CSGALNACT1: variants seen among roughly 807,000 people sequenced by gnomAD.
The protein encoded by CSGALNACT1 is chondroitin sulfate N-acetylgalactosaminyltransferase 1.
In CSGALNACT1, 52 loss-of-function variants were observed where a neutral mutation model predicts 51.0. That is an observed-to-expected ratio of 1.02 (90% confidence interval 0.82 to 1.29). The LOEUF (loss-of-function observed/expected upper bound fraction) is 1.29, where lower values mean the gene tolerates loss of function less well. Among genes scored for constraint, CSGALNACT1 ranks in the 50% most tolerant of loss-of-function variants. The probability of loss-of-function intolerance (pLI) is 0.00; values close to 1 mark genes in which losing one functional copy is unlikely to be tolerated. For synonymous variants in CSGALNACT1, 341 were observed against 254.4 expected (o/e 1.34, Z -3.24); for missense variants, 935 against 679.2 (o/e 1.38, Z -4.19).
At chr8:19,652,554 C>T (rs949608568) in intron 1 of CSGALNACT1, among the ~76,000 whole-genome samples, 26 of 152,094 alleles carry the variant, frequency 1.7e-4, no homozygotes, top group African/African-American at 6.3e-4. Context: ...GTATTGTCAG[C>T]CTTCCTTCTG....
chr8:19,512,349 T>G (rs897331313), intron 3 of CSGALNACT1, among the ~76,000 whole-genome samples: 1 of 152,204 alleles, frequency 6.6e-6, no homozygotes, highest in African/African-American at 2.4e-5. Context: ...ACCAGAGAGC[T>G]TGATTGCAAC....
intron 2 of CSGALNACT1, among the ~76,000 whole-genome samples, chr8:19,593,588 C>CA (rs1181580167): frequency 6.6e-6 from 1 of 152,168 alleles, no homozygotes; most frequent in African/African-American, 2.4e-5. Flanking sequence ...CATTAATGTA[C>CA]AATGATTTGT....
At position 19,584,922 on chromosome 8, in the gene CSGALNACT1, G is replaced by C. The variant is rs528420291; in HGVS notation, c.-297+6238C>G. 1.5e-4 allele frequency among the ~76,000 whole-genome samples: 23 copies of C among 152,250 alleles called. 1 individual carries two copies. In the South Asian group the frequency reaches 4.4e-3, roughly 29 times the overall value. ...GGTACCAACCGTAGACAGCAGGATGGGGCAGGGGGACCTCAAAGTGGACTT... is the reference window on the plus strand; with the variant it reads ...GGTACCAACCGTAGACAGCAGGATGCGGCAGGGGGACCTCAAAGTGGACTT... On this transcript the variant is annotated intron_variant, in intron 3 of 9. Coordinates refer to ENST00000454498, the Ensembl canonical transcript of CSGALNACT1.
rs191173421 is a variant in CSGALNACT1 at position 19,586,639 on chromosome 8, T to C, written c.-297+4521A>G. ...CACTGGCTTAGTCTATGACTGGCAA[T>C]GAAGTGTAAGTCAGACTTGGAATCA... On this transcript the variant is annotated intron_variant, in intron 3 of 9. Coordinates refer to ENST00000454498, the Ensembl canonical transcript of CSGALNACT1. Among the ~76,000 whole-genome samples the C allele has an allele frequency of 1.3e-4, 20 of 152,186 alleles. No individual in the cohort carries two copies. The East Asian group carries it at 3.7e-3, about 28-fold the overall frequency.
At chr8:19,456,277 G>T (rs1252511240) in intron 5 of CSGALNACT1, among the ~76,000 whole-genome samples, 5 of 152,178 alleles carry the variant, frequency 3.3e-5, no homozygotes, top group African/African-American at 1.2e-4. Context: ...GTGAGGACTT[G>T]TCCTTTCACC....
At chr8:19,475,987 A>G (rs1405353449) in intron 4 of CSGALNACT1, among the ~76,000 whole-genome samples, 1 of 152,190 alleles carries the variant, frequency 6.6e-6, no homozygotes, top group African/African-American at 2.4e-5. Context: ...TGTCCACGAG[A>G]AGCAATGAAA....
rs530803549 is a variant in CSGALNACT1, at chr8:19,485,642, AC to A, written c.634+19558del. On this transcript the variant is annotated intron_variant, in intron 4 of 9. Transcript: ENST00000454498. ...ACAAGATGAGATTAATCATTCCTTC[AC>A]CCCTCCCAGAGACATCTGCTTCCTC... Among the ~76,000 whole-genome samples, 18 of 148,728 alleles carry A rather than the reference AC, an allele frequency of 1.2e-4. No individual in the cohort carries two copies. The East Asian group carries it at 3.7e-3, about 30-fold the overall frequency.
At chr8:19,582,984 G>A (rs142791338) in intron 3 of CSGALNACT1, among the ~76,000 whole-genome samples, 83 of 152,168 alleles carry the variant, frequency 5.5e-4, no homozygotes, top group African/African-American at 1.9e-3. Flanking sequence ...AAATGGAATG[G>A]GCTAATAGCC....
intron 2 of CSGALNACT1, among the ~76,000 whole-genome samples, chr8:19,599,068 G>A (rs1264776952): frequency 6.6e-6 from 1 of 152,060 alleles, no homozygotes; most frequent in Non-Finnish European, 1.5e-5. Context: ...GACAGCTGGG[G>A]AGGAGTGAGC....
chr8:19,644,860 A>C (rs1024704820), intron 1 of CSGALNACT1, among the ~76,000 whole-genome samples: 6 of 152,192 alleles, frequency 3.9e-5, no homozygotes, highest in Non-Finnish European at 7.3e-5. Context: ...AATCATTCTA[A>C]ATATTTTATG....
At chr8:19,722,529 A>AAGTCAAC (rs1195644772) in intron 1 of CSGALNACT1, among the ~76,000 whole-genome samples, 1 of 152,168 alleles carries the variant, frequency 6.6e-6, no homozygotes, top group Non-Finnish European at 1.5e-5. Context: ...CTGGCCACAA[A>AAGTCAAC]AGTCAACACC....
chr8:19,443,556 G>C (rs1413277486), intron 5 of CSGALNACT1, among the ~76,000 whole-genome samples: 2 of 152,156 alleles, frequency 1.3e-5, no homozygotes, highest in African/African-American at 4.8e-5. Context: ...ATGGTGGCAG[G>C]CAAGAGAGCT....
At chr8:19,667,022 AGGAAGG>A (rs2059392811) in intron 1 of CSGALNACT1, among the ~76,000 whole-genome samples, 4 of 36,042 alleles carry the variant, frequency 1.1e-4, no homozygotes, top group African/African-American at 7.7e-4. Context: ...AAAGAAAGGA[AGGAAGG>A]AAGGAAGGAA....
At chr8:19,602,322 T>TA (rs1423408487) in exon 1 of CSGALNACT1, 8 of 151,738 alleles carry the variant, frequency 5.3e-5, no homozygotes, top group African/African-American at 9.7e-5. Context: ...CGCCACCACT[T>TA]AAAAAAAACG....
At chr8:19,625,017 C>A (rs1052787019) in intron 1 of CSGALNACT1, among the ~76,000 whole-genome samples, 1 of 152,184 alleles carries the variant, frequency 6.6e-6, no homozygotes, top group Non-Finnish European at 1.5e-5. Context: ...CCTGCTATCA[C>A]CCAGCTAGTA....
At position 19,693,101 on chromosome 8, in the gene CSGALNACT1, T is replaced by G. The variant is rs145471656; in HGVS notation, c.-297+64749A>C. On this transcript the variant is annotated intron_variant, in intron 1 of 1. Transcript: ENST00000517494. ...GTCATTTGCCTATTTGCTCTTTGAC[T>G]CATTCCCTACCCTTCACCTGCAAAC... Among the ~76,000 whole-genome samples, 1,453 of 152,302 alleles carry G rather than the reference T, an allele frequency of 9.5e-3. 13 individuals carry two copies. The highest frequency in any genetic ancestry group is 0.014 in the Non-Finnish European group (969 of 68,026).
intron 3 of CSGALNACT1, among the ~76,000 whole-genome samples, chr8:19,573,830 T>A (rs920283941): frequency 2.0e-5 from 3 of 152,112 alleles, no homozygotes; most frequent in Non-Finnish European, 4.4e-5. Flanking sequence ...TCCCTCAAGG[T>A]GCTGGGGATA....
intron 3 of CSGALNACT1, among the ~76,000 whole-genome samples, chr8:19,510,776 A>G (rs899579578): frequency 6.6e-6 from 1 of 152,226 alleles, no homozygotes; most frequent in Admixed American, 6.5e-5. Flanking sequence ...TGTGTCATCA[A>G]TATTTGTCAA....
At chr8:19,660,357 C>T (rs1589329959) in intron 1 of CSGALNACT1, among the ~76,000 whole-genome samples, 1 of 152,140 alleles carries the variant, frequency 6.6e-6, no homozygotes, top group African/African-American at 2.4e-5. Context: ...TTACTTAATC[C>T]CCCTAAGCCT....
Sources: gnomAD v4.1 joint callset for allele counts (sites outside exome capture counted in the v4.1 genomes callset) on GRCh38, gnomAD v4.1.1 for gene constraint, MANE v1.5 for transcripts, NCBI Gene and HGNC (gene_info 2026-07-23, HGNC 2026-07-21) for gene names.